Variants in DNAH10 observed in about 807,000 individuals in gnomAD.
DNAH10 encodes dynein axonemal heavy chain 10.
DNAH10 carries 348 observed loss-of-function variants against 506.6 expected under a neutral mutation model. The ratio of observed to expected loss-of-function variants is 0.69; its 90% CI spans 0.63 to 0.75. The LOEUF (loss-of-function observed/expected upper bound fraction) is 0.75. Ranked by LOEUF, DNAH10 falls within the 30% of genes least tolerant of loss-of-function variation. DNAH10 has a pLI of 0.00. For missense variants in DNAH10, 5,179 were observed against 5,787.1 expected, an observed-to-expected ratio of 0.89 and a Z score of 3.41; for synonymous variants, 2,059 against 2,198.6, an observed-to-expected ratio of 0.94 and a Z score of 1.78.
intron 51 of DNAH10, 139 bp from the exon 52 acceptor site, chr12:123,887,003 C>A: frequency 9.3e-7 from 1 of 1,071,464 alleles, no homozygotes; most frequent in East Asian, 2.8e-5. Flanking sequence ...CCCTTCCAGA[C>A]TTTTCTTTCC....
intron 66 of DNAH10, 46 bp downstream of exon 66, chr12:123,923,913 T>G: frequency 7.3e-7 from 1 of 1,372,494 alleles, no homozygotes; most frequent in Non-Finnish European, 1.0e-6. Flanking sequence ...CTTGCCCACA[T>G]GATACATGTA....
chr12:123,783,032 C>T (rs796735588), intron 6 of DNAH10, 75 bp from the exon 7 acceptor site: 35 of 1,464,630 alleles, frequency 2.4e-5, no homozygotes, highest in African/African-American at 1.9e-4. Flanking sequence ...ACGACCCAGC[C>T]GGTGAACTTG....
rs777202964 is a variant in DNAH10, at chr12:123,813,317, A to G, written c.3298A>G (p.Ile1100Val). The stretch of plus-strand genomic sequence containing the variant: ...TATGATCCCCCAAAATGTCCACAGG[A>G]TTCTGATCAATCTTATGAAGTATCT... ...AVMIPQNVHR[I>V]LINLMKYLQK... is the part of the protein sequence containing the mutation. Residue 1100 changes from isoleucine to valine, a missense_variant, in exon 20 of 79, where the codon ATT becomes GTT. Physicochemically the swap from Ile to Val is conservative, Grantham distance 29. Transcript: ENST00000673944. 16 of 1,614,230 alleles carry G rather than the reference A, an allele frequency of 9.9e-6. No individual in the cohort carries two copies. Among genetic ancestry groups the G allele is most frequent in the Non-Finnish European group, 1.4e-5 (16 of 1,180,048 alleles).
chr12:123,821,641 C>T (rs1260534267), intron 24 of DNAH10, among the ~76,000 whole-genome samples: 1 of 152,078 alleles, frequency 6.6e-6, no homozygotes, highest in African/African-American at 2.4e-5. Flanking sequence ...CCTGGAATTA[C>T]ATATTTTAAA....
At position 123,835,544 on chromosome 12, in the gene DNAH10, C is replaced by T; in HGVS notation, c.4902+16C>T. 6.2e-7 allele frequency: 1 copy of T among 1,602,078 alleles called. No homozygotes were observed. Reference sequence around the variant, plus strand: ...ATTTAAAAGGGCAAGTGACTCGCTTCTATTTTAGTAATGAAAGAAGGGCAG... The same window carrying T: ...ATTTAAAAGGGCAAGTGACTCGCTTTTATTTTAGTAATGAAAGAAGGGCAG... On this transcript the variant is annotated intron_variant, in intron 28 of 78. Coordinates refer to ENST00000673944, the MANE Select transcript of DNAH10 (RefSeq NM_001372106.1).
Position 123,909,350 on chromosome 12 carries a change from C to T in DNAH10, c.9905C>T (p.Ala3302Val). 2 of 1,612,714 alleles carry T rather than the reference C, an allele frequency of 1.2e-6. No individual in the cohort carries two copies. Among genetic ancestry groups the T allele is most frequent in the South Asian group, 1.1e-5 (1 of 90,640 alleles). Reference sequence around the variant, plus strand: ...TACAAAGAGCTGAACTGGAAAACAGCCAAGGGCGTGATGTCCGACCCGAAT... The same window carrying T: ...TACAAAGAGCTGAACTGGAAAACAGTCAAGGGCGTGATGTCCGACCCGAAT... Reference protein sequence around the residue: ...KGYKELNWKTAKGVMSDPNFL... With the variant: ...KGYKELNWKTVKGVMSDPNFL... Residue 3302 changes from alanine to valine, a missense_variant, in exon 58 of 79, where the codon GCC becomes GTC. Physicochemically the swap from Ala to Val is moderately conservative, Grantham distance 64 (BLOSUM62 0). Transcript: ENST00000673944. This position sits in a 1 kb window ranked among gnomAD's most constrained non-coding sequence, Gnocchi z 5.4.
At chr12:123,777,618 T>A (rs898842426) in intron 5 of DNAH10, among the ~76,000 whole-genome samples, 1 of 152,220 alleles carries the variant, frequency 6.6e-6, no homozygotes, top group Non-Finnish European at 1.5e-5. Context: ...CTCAAGAACA[T>A]TGGCTACCTT....
intron 30 of DNAH10, among the ~76,000 whole-genome samples, chr12:123,844,539 T>C (rs565997490): frequency 6.6e-6 from 1 of 152,316 alleles, no homozygotes; most frequent in East Asian, 1.9e-4. Context: ...GATGAGATGT[T>C]TTGTTTCACT....
Position 123,790,060 on chromosome 12 carries a change from T to G in DNAH10, c.1754T>G (p.Phe585Cys), listed in dbSNP as rs1160120780. The G allele has an allele frequency of 6.2e-7, 1 of 1,614,158 alleles. No individual in the cohort carries two copies. Among genetic ancestry groups the G allele is most frequent in the Non-Finnish European group, 8.5e-7 (1 of 1,180,018 alleles). Residue 585 changes from phenylalanine to cysteine, a missense_variant, in exon 11 of 79, where the codon TTC (phenylalanine) becomes TGC (cysteine). Physicochemically the swap from Phe to Cys is radical, Grantham distance 205 (BLOSUM62 -2). Coordinates refer to ENST00000673944, the MANE Select transcript of DNAH10 (RefSeq NM_001372106.1). ...ATGGAAAACCTGACCTTTGACCCCT[T>G]CAGCATCAAGTCCTCCCAGTTCTGG... Reference protein sequence around the residue: ...TPMENLTFDPFSIKSSQFWKY... With the variant: ...TPMENLTFDPCSIKSSQFWKY...
At chr12:123,882,789 CAAAAAAAAAAAAA>C (rs59295124) in intron 51 of DNAH10, among the ~76,000 whole-genome samples, 15 of 62,244 alleles carry the variant, frequency 2.4e-4, no homozygotes, top group Admixed American at 3.7e-4. Context: ...AAGACTCTGT[CAAAAAAAAAAAAA>C]AAAAAAAAAA....
Position 123,870,391 on chromosome 12 carries a change from TC to T in DNAH10, c.7546del (p.His2516IlefsTer15). The T allele has an allele frequency of 6.2e-7, 1 of 1,613,940 alleles. No individual in the cohort carries two copies. Among genetic ancestry groups the T allele is most frequent in the Non-Finnish European group, 8.5e-7 (1 of 1,179,888 alleles). On this transcript the variant is annotated frameshift_variant, in exon 44 of 79. Transcript: ENST00000673944. LOFTEE classifies it high-confidence loss of function. ...PGQLPTLYDF[H>X]FDNKRNQWVP... ...GTCAACTTCCAACCTTGTATGACTT[TC>T]ATTTTGATAACAAACGGAATCAATG... is the stretch of plus-strand genomic sequence containing the variant.
chr12:123,914,597 A>AT (rs1566095846), intron 61 of DNAH10, 47 bp downstream of exon 61: 1 of 1,576,762 alleles, frequency 6.3e-7, no homozygotes, highest in Non-Finnish European at 8.6e-7. Context: ...ACCTTAGCAC[A>AT]GGGGGTCTAC....
chr12:123,926,832 C>T lies in DNAH10; in HGVS notation c.12105+12C>T, dbSNP rs1469401899. The T allele has an allele frequency of 1.2e-6, 2 of 1,613,128 alleles. No individual in the cohort carries two copies. Among genetic ancestry groups the T allele is most frequent in the Admixed American group, 3.3e-5 (2 of 59,952 alleles). ...AAGGTCAAGAAAAGGTAATTTGTGG[C>T]TGAAAGGAACAAGCTCTACGTTTAG... On this transcript the variant is annotated intron_variant, in intron 69 of 78. Coordinates refer to ENST00000673944, the MANE Select transcript of DNAH10 (RefSeq NM_001372106.1). The surrounding 1 kb of genome is among the most constrained non-coding windows in gnomAD (Gnocchi z 4.1).
chr12:123,762,581 G>A lies in DNAH10; in HGVS notation c.214+31G>A, dbSNP rs778077713. 1.1e-5 allele frequency: 17 copies of A among 1,531,814 alleles called. No homozygotes were observed. The highest frequency in any genetic ancestry group is 1.4e-5 in the African/African-American group (1 of 71,880). 94.9% of individuals were successfully genotyped at this position (1,531,814 alleles called of 1,614,324 possible). On this transcript the variant is annotated intron_variant, in intron 1 of 78. Transcript: ENST00000673944. This position sits in a 1 kb window ranked among gnomAD's most constrained non-coding sequence, Gnocchi z 5.0. ...CCTCGACGCGCCGCTCCCTTCCCCG[G>A]GCTTCCCTCCTGCCCGTCCCGGCCT... is the stretch of plus-strand genomic sequence containing the variant.
chr12:123,933,603 C>G, intron 77 of DNAH10, 92 bp downstream of exon 77: 1 of 1,415,116 alleles, frequency 7.1e-7, no homozygotes, highest in South Asian at 1.4e-5. Flanking sequence ...ATAGCGTGGG[C>G]CTAAATGGGC....
Position 123,903,029 on chromosome 12 carries a change from C to T in DNAH10, c.9731C>T (p.Thr3244Met), listed in dbSNP as rs750866999. The T allele has an allele frequency of 2.6e-5, 41 of 1,607,728 alleles. No homozygotes were observed. The highest frequency in any genetic ancestry group is 4.5e-5 in the East Asian group (2 of 44,598). The change falls in exon 57 of 79, where the codon ACG becomes ATG. Residue 3244 changes from threonine to methionine, a missense_variant. By Grantham distance (81) the Thr-to-Met change is moderately conservative (BLOSUM62 -1). Around this residue, in one of 3 missense-constraint regions of DNAH10, gnomAD observed 4,844 missense variants for 5,430.5 expected, o/e 0.89. Coordinates refer to ENST00000673944, the MANE Select transcript of DNAH10 (RefSeq NM_001372106.1). The surrounding 1 kb of genome is among the most constrained non-coding windows in gnomAD (Gnocchi z 4.6). ...VIAMEKAEAE[T>M]TLAEVMPILE... ...GCCATGGAGAAGGCCGAGGCCGAGA[C>T]GACCCTGGCAGAGGTCATGCCCATC...
intron 12 of DNAH10, among the ~76,000 whole-genome samples, chr12:123,795,692 A>G (rs1958250733): frequency 6.6e-6 from 1 of 152,208 alleles, no homozygotes; most frequent in South Asian, 2.1e-4. Flanking sequence ...GTAACATTAC[A>G]TATTTTCAGC....
At chr12:123,805,549 C>A (rs1487561890) in intron 18 of DNAH10, among the ~76,000 whole-genome samples, 1 of 152,172 alleles carries the variant, frequency 6.6e-6, no homozygotes, top group Non-Finnish European at 1.5e-5. Flanking sequence ...AGTGCCTGGA[C>A]CCCATCGCAT....
intron 6 of DNAH10, among the ~76,000 whole-genome samples, chr12:123,782,335 CCTCCCCTCCCCTCCCCTCCCCTTCT>C (rs1957687640): frequency 3.8e-5 from 4 of 106,184 alleles, no homozygotes; most frequent in African/African-American, 8.0e-5. Flanking sequence ...CCCTGCCTCC[CCTCCCCTCCCCTCCCCTCCCCTTCT>C]CTCCCCTCCC....
Sources: gnomAD v4.1 joint callset for allele counts (sites outside exome capture counted in the v4.1 genomes callset) on GRCh38, gnomAD v4.1.1 for gene constraint, gnomAD v4.1.1 regional missense constraint, Gnocchi (gnomAD v3.1) non-coding constraint, MANE v1.5 for transcripts, NCBI Gene and HGNC (gene_info 2026-07-23, HGNC 2026-07-21) for gene names.